The following SRPK2 variants were observed in gnomAD, a reference collection of about 807,000 sequenced individuals.
The protein encoded by SRPK2 is SRSF protein kinase 2.
Under a neutral mutation model 90.8 loss-of-function variants are expected in SRPK2, and 21 were observed. That is an observed-to-expected ratio of 0.23 (90% CI 0.16 to 0.33). The LOEUF (loss-of-function observed/expected upper bound fraction) is 0.33, where lower values mean the gene tolerates loss of function less well. Ranked by LOEUF, SRPK2 falls within the 10% of genes least tolerant of loss-of-function variation. SRPK2 has a pLI of 1.00. For missense variants in SRPK2, 620 were observed against 869.0 expected (o/e 0.71, Z 3.60); for synonymous variants, 288 against 311.1 (o/e 0.93, Z 0.78).
chr7:105,141,892 TG>T (rs1448864843), intron 11 of SRPK2, 115 bp downstream of exon 11: 28 of 1,140,938 alleles, frequency 2.5e-5, no homozygotes, highest in Middle Eastern at 4.1e-4. Context: ...GTAATAAAAC[TG>T]ATCAGTACAC....
chr7:105,346,414 A>G (rs187070099), intron 2 of SRPK2, among the ~76,000 whole-genome samples: 38 of 152,180 alleles, frequency 2.5e-4, no homozygotes, highest in African/African-American at 8.7e-4. Context: ...GGGTACTCAA[A>G]CAACTGTTAT....
At chr7:105,329,892 G>A (rs539245911) in intron 2 of SRPK2, among the ~76,000 whole-genome samples, 9 of 151,446 alleles carry the variant, frequency 5.9e-5, no homozygotes, top group East Asian at 5.9e-4. Context: ...AAAATTAGCC[G>A]GGTGTGGCGG....
At position 105,116,446 on chromosome 7, in the gene SRPK2, TACA is replaced by T. The variant is rs1474531592; in HGVS notation, c.*1389_*1391del. 1 of 152,558 alleles carries T rather than the reference TACA, an allele frequency of 6.6e-6. No individual in the cohort carries two copies. The highest frequency in any genetic ancestry group is 1.5e-5 in the Non-Finnish European group (1 of 67,988). 9.5% of individuals were successfully genotyped at this position (152,558 alleles called of 1,614,324 possible). On this transcript the variant is annotated 3_prime_UTR_variant, in exon 16 of 16. Transcript: ENST00000393651. ...AGCACCTCAAACAATGGATTATTGT[TACA>T]ACACTTGTTAGCTTTTCACAATCTA...
chr7:105,218,785 T>C (rs1026114538), intron 2 of SRPK2, among the ~76,000 whole-genome samples: 2 of 152,176 alleles, frequency 1.3e-5, no homozygotes, highest in African/African-American at 4.8e-5. Context: ...GGAGTTATAA[T>C]TTAAGCATGA....
intron 2 of SRPK2, among the ~76,000 whole-genome samples, chr7:105,285,821 A>G (rs1315231586): frequency 6.6e-6 from 1 of 152,194 alleles, no homozygotes; most frequent in South Asian, 2.1e-4. Context: ...ATGCTTGTAA[A>G]GCCTGCAGAA....
chr7:105,304,328 T>G (rs972516872), intron 2 of SRPK2: 2 of 152,240 alleles, frequency 1.3e-5, no homozygotes, highest in Non-Finnish European at 2.9e-5. Context: ...GACTTTTAGC[T>G]GGTTCCAAAA....
intron 2 of SRPK2, among the ~76,000 whole-genome samples, chr7:105,270,684 C>A (rs773412562): frequency 2.0e-5 from 3 of 152,118 alleles, no homozygotes; most frequent in Non-Finnish European, 4.4e-5. Context: ...GCTGGGATTA[C>A]AGGTATGAGC....
At chr7:105,272,543 T>C (rs1167184102) in intron 2 of SRPK2, among the ~76,000 whole-genome samples, 1 of 152,152 alleles carries the variant, frequency 6.6e-6, no homozygotes, top group African/African-American at 2.4e-5. Flanking sequence ...GCTTTCTCCT[T>C]CTAACTCTGG....
chr7:105,244,407 T>G (rs1269754633), intron 2 of SRPK2, among the ~76,000 whole-genome samples: 1 of 152,118 alleles, frequency 6.6e-6, no homozygotes, highest in Non-Finnish European at 1.5e-5. Flanking sequence ...CTGTGTCTAC[T>G]AAAAATACAA....
intron 2 of SRPK2, among the ~76,000 whole-genome samples, chr7:105,305,153 T>C (rs1241954043): frequency 6.6e-6 from 1 of 152,226 alleles, no homozygotes; most frequent in African/African-American, 2.4e-5. Context: ...AAAAATCCTG[T>C]TGCCAGCCAG....
intron 2 of SRPK2, among the ~76,000 whole-genome samples, chr7:105,261,331 C>T (rs899764058): frequency 6.6e-5 from 10 of 152,120 alleles, no homozygotes; most frequent in Admixed American, 3.9e-4. Context: ...ACCATCCTGG[C>T]TGACACTGTG....
intron 2 of SRPK2, among the ~76,000 whole-genome samples, chr7:105,234,498 T>C (rs969188462): frequency 2.0e-5 from 3 of 152,182 alleles, no homozygotes; most frequent in African/African-American, 4.8e-5. Context: ...TGATGCTTAC[T>C]ATGTGCCACT....
intron 2 of SRPK2, among the ~76,000 whole-genome samples, chr7:105,276,686 C>G (rs1806540728): frequency 6.6e-6 from 1 of 151,984 alleles, no homozygotes; most frequent in African/African-American, 2.4e-5. Context: ...TGCAGTTTAC[C>G]AAGACTGCAC....
chr7:105,315,452 A>C (rs142620371), intron 2 of SRPK2, among the ~76,000 whole-genome samples: 273 of 152,332 alleles, frequency 1.8e-3, no homozygotes, highest in African/African-American at 6.2e-3. Flanking sequence ...GAAATCATAC[A>C]TGTAAAGTGC....
chr7:105,124,946 A>G (rs998996660), intron 15 of SRPK2, among the ~76,000 whole-genome samples: 16 of 151,970 alleles, frequency 1.1e-4, no homozygotes, highest in Admixed American at 2.0e-4. Context: ...AGCCTGGCCA[A>G]CACAGTGAAA....
At chr7:105,202,753 G>A (rs185273597) in intron 3 of SRPK2, among the ~76,000 whole-genome samples, 4 of 152,242 alleles carry the variant, frequency 2.6e-5, no homozygotes, top group South Asian at 2.1e-4. Context: ...TGTCTTTTTC[G>A]TTAAGTACAA....
chr7:105,187,568 T>C (rs1793748975), intron 3 of SRPK2, among the ~76,000 whole-genome samples: 1 of 152,206 alleles, frequency 6.6e-6, no homozygotes. Context: ...AACTGAAATT[T>C]AGCTTAAACT....
intron 2 of SRPK2, among the ~76,000 whole-genome samples, chr7:105,383,122 T>C (rs1460802557): frequency 1.5e-5 from 2 of 131,528 alleles, no homozygotes; most frequent in Non-Finnish European, 3.1e-5. Context: ...TGGAGTGCAG[T>C]GGCACAATCT....
intron 2 of SRPK2, among the ~76,000 whole-genome samples, chr7:105,293,582 G>A (rs192912403): frequency 6.8e-4 from 104 of 151,916 alleles, no homozygotes; most frequent in Non-Finnish European, 1.3e-3. Context: ...ATCACACTCG[G>A]CTGATTGTTG....
Sources: gnomAD v4.1 joint callset for allele counts (sites outside exome capture counted in the v4.1 genomes callset) on GRCh38, gnomAD v4.1.1 for gene constraint, MANE v1.5 for transcripts, NCBI Gene and HGNC (gene_info 2026-07-23, HGNC 2026-07-21) for gene names.